The following TMEM232 variants were observed in gnomAD, a reference collection of about 807,000 sequenced individuals.
TMEM232 encodes the protein transmembrane protein 232.
In TMEM232, 80 loss-of-function variants were observed where a neutral mutation model predicts 78.8. The ratio of observed to expected loss-of-function variants is 1.01; its 90% CI spans 0.85 to 1.22. The LOEUF (loss-of-function observed/expected upper bound fraction) is 1.22, where lower values mean the gene tolerates loss of function less well. TMEM232 is among the 50% of genes most tolerant of loss of function. The probability of loss-of-function intolerance (pLI) is 0.00; values close to 1 mark genes in which losing one functional copy is unlikely to be tolerated. For synonymous variants in TMEM232, 297 were observed against 254.3 expected (o/e 1.17, Z -1.60); for missense variants, 881 against 742.2 (o/e 1.19, Z -2.17).
chr5:110,446,945 G>C (rs576678842), intron 12 of TMEM232, among the ~76,000 whole-genome samples: 9 of 151,850 alleles, frequency 5.9e-5, no homozygotes, highest in African/African-American at 2.2e-4. Flanking sequence ...ACCTGAGTCA[G>C]TAAAGCTAGA....
At chr5:110,474,274 CAATT>C (rs1441632308) in intron 12 of TMEM232, among the ~76,000 whole-genome samples, 3 of 151,840 alleles carry the variant, frequency 2.0e-5, no homozygotes, top group African/African-American at 4.8e-5. Context: ...TATTATATGT[CAATT>C]AAAAATACAA....
At chr5:110,655,693 T>A (rs1788940092) in intron 2 of TMEM232, among the ~76,000 whole-genome samples, 1 of 151,396 alleles carries the variant, frequency 6.6e-6, no homozygotes, top group African/African-American at 2.4e-5. Context: ...TAAGAAAATG[T>A]GGCACATATA....
chr5:110,687,123 G>A (rs1793515516), intron 1 of TMEM232, among the ~76,000 whole-genome samples: 1 of 151,998 alleles, frequency 6.6e-6, no homozygotes, highest in Non-Finnish European at 1.5e-5. Flanking sequence ...TCTTCCCCCT[G>A]AGAAAAGAAA....
chr5:110,598,961 T>A (rs1207744364), intron 10 of TMEM232, among the ~76,000 whole-genome samples: 1 of 151,446 alleles, frequency 6.6e-6, no homozygotes, highest in Non-Finnish European at 1.5e-5. Context: ...TGTATACATA[T>A]GTAACTAACC....
intron 11 of TMEM232, among the ~76,000 whole-genome samples, chr5:110,555,054 C>G (rs901966795): frequency 6.6e-6 from 1 of 151,964 alleles, no homozygotes; most frequent in African/African-American, 2.4e-5. Context: ...CTTCTACTAG[C>G]TTTAAGGTTG....
At chr5:110,637,645 C>T (rs1419795947) in intron 5 of TMEM232, among the ~76,000 whole-genome samples, 29 of 151,554 alleles carry the variant, frequency 1.9e-4, no homozygotes, top group Non-Finnish European at 2.9e-5. Context: ...GCAGTAAAAC[C>T]ATTAGTTAAA....
intron 12 of TMEM232, among the ~76,000 whole-genome samples, chr5:110,460,113 A>AAACTT (rs1413464583): frequency 1.3e-5 from 2 of 152,194 alleles, no homozygotes; most frequent in Non-Finnish European, 2.9e-5. Flanking sequence ...CAATTGAAAA[A>AAACTT]AACTTAGTAT....
downstream of TMEM232, among the ~76,000 whole-genome samples, chr5:110,418,735 A>G (rs1390991082): frequency 6.6e-6 from 1 of 152,184 alleles, no homozygotes; most frequent in Non-Finnish European, 1.5e-5. Flanking sequence ...CAGAGCAAAC[A>G]TAAACCTAAG....
Position 110,605,343 on chromosome 5 carries a change from C to A in TMEM232, c.1042G>T (p.Val348Leu), listed in dbSNP as rs1406225169. 1 of 1,539,004 alleles carries A rather than the reference C, an allele frequency of 6.5e-7. No individual in the cohort carries two copies. Among genetic ancestry groups the A allele is most frequent in the Admixed American group, 2.1e-5 (1 of 48,508 alleles). Residue 348 changes from valine to leucine, a missense_variant, in exon 10 of 14, where the codon GTA (valine) becomes TTA (leucine). Transcript: ENST00000455884. ...SVQNQEESCK[V>L]DDFSWAWNVV... ...TTCCAGGCCCAGGAAAAATCATCTACCTTGCAACTTTCTTCCTGAAATGAG... is the reference window on the plus strand; with the variant it reads ...TTCCAGGCCCAGGAAAAATCATCTAACTTGCAACTTTCTTCCTGAAATGAG...
intron 11 of TMEM232, among the ~76,000 whole-genome samples, chr5:110,530,149 G>A (rs1771218700): frequency 6.6e-6 from 1 of 152,116 alleles, no homozygotes; most frequent in Admixed American, 6.5e-5. Flanking sequence ...ACTGATTATT[G>A]AATTATTTAG....
At chr5:110,596,519 C>T (rs1377391807) in intron 10 of TMEM232, among the ~76,000 whole-genome samples, 4 of 152,144 alleles carry the variant, frequency 2.6e-5, no homozygotes, top group Admixed American at 6.5e-5. Flanking sequence ...TTTTATGAGG[C>T]CAGCATCATC....
chr5:110,564,114 A>T (rs899647779), intron 11 of TMEM232, among the ~76,000 whole-genome samples: 7 of 151,946 alleles, frequency 4.6e-5, no homozygotes. Context: ...TGCCCTTCCT[A>T]CCTATTAACA....
At chr5:110,403,940 A>G (rs1755696183) in intron 2 of TMEM232, among the ~76,000 whole-genome samples, 1 of 151,974 alleles carries the variant, frequency 6.6e-6, no homozygotes, top group African/African-American at 2.4e-5. Context: ...TAAGAGAGGC[A>G]AAGAAGAATT....
chr5:110,451,888 A>G (rs1479858288), intron 12 of TMEM232, among the ~76,000 whole-genome samples: 1 of 152,116 alleles, frequency 6.6e-6, no homozygotes, highest in African/African-American at 2.4e-5. Flanking sequence ...AAGAAGAAAT[A>G]TAACTATTTT....
chr5:110,681,795 A>G (rs1034936845), intron 1 of TMEM232, among the ~76,000 whole-genome samples: 4 of 152,198 alleles, frequency 2.6e-5, no homozygotes, highest in Non-Finnish European at 5.9e-5. Flanking sequence ...CTAAAATGCT[A>G]TTTGCTAAAA....
intron 1 of TMEM232, among the ~76,000 whole-genome samples, chr5:110,698,639 T>C (rs576491962): frequency 1.3e-5 from 2 of 152,150 alleles, no homozygotes; most frequent in Admixed American, 6.6e-5. Context: ...GTGGGTTACC[T>C]GGAATCCAGT....
rs150733172 is a variant in TMEM232 at position 110,535,508 on chromosome 5, G to A, written c.1456-6673C>T. Among the ~76,000 whole-genome samples the A allele has an allele frequency of 5.3e-5, 8 of 152,178 alleles. No individual in the cohort carries two copies. In the South Asian group the frequency reaches 1.0e-3, roughly 20 times the overall value. ...TTTAGTAGTCTCTTCACATGGACGCGCATGAAGTGTATATTTTAAAACATC... is the reference window on the plus strand; with the variant it reads ...TTTAGTAGTCTCTTCACATGGACGCACATGAAGTGTATATTTTAAAACATC... On this transcript the variant is annotated intron_variant, in intron 11 of 13. Coordinates refer to ENST00000455884, the MANE Select transcript of TMEM232 (RefSeq NM_001039763.4).
chr5:110,514,450 G>A (rs1581021036), intron 12 of TMEM232, among the ~76,000 whole-genome samples: 1 of 152,070 alleles, frequency 6.6e-6, no homozygotes, highest in East Asian at 1.9e-4. Flanking sequence ...AGTAAATTAT[G>A]GAACAAAAGG....
intron 10 of TMEM232, among the ~76,000 whole-genome samples, chr5:110,576,836 A>C (rs1442674381): frequency 3.3e-5 from 5 of 152,082 alleles, no homozygotes; most frequent in African/African-American, 1.2e-4. Flanking sequence ...AGCCACATGC[A>C]GGAGATTGAA....
Sources: allele counts gnomAD v4.1 joint callset (sites outside exome capture counted in the v4.1 genomes callset), GRCh38; gene constraint gnomAD v4.1.1; transcripts MANE v1.5; gene names NCBI Gene and HGNC (gene_info 2026-07-23, HGNC 2026-07-21).